AKR1A1: variants seen among roughly 807,000 people sequenced by gnomAD.
AKR1A1 encodes HEL-S-165mP.
A neutral mutation model predicts 39.2 loss-of-function variants in AKR1A1; 26 were observed. The ratio of observed to expected loss-of-function variants is 0.66; its 90% confidence interval spans 0.49 to 0.92. The LOEUF (loss-of-function observed/expected upper bound fraction) is 0.92. Among genes scored for constraint, AKR1A1 ranks in the 40% least tolerant of loss-of-function variants. AKR1A1 has a pLI of 0.00. For synonymous variants in AKR1A1, 141 were observed against 155.5 expected, an observed-to-expected ratio of 0.91 and a Z score of 0.69; for missense variants, 378 against 406.5, an observed-to-expected ratio of 0.93 and a Z score of 0.60.
chr1:45,562,725 G>A (rs1000521210), intron 2 of AKR1A1, among the ~76,000 whole-genome samples: 2 of 152,014 alleles, frequency 1.3e-5, no homozygotes, highest in African/African-American at 2.4e-5. Context: ...GGCAAGGCTG[G>A]TCTTGAACTC....
chr1:45,569,868 A>T (rs1406261049), intron 8 of AKR1A1, 23 bp from the exon 9 acceptor site: 1 of 1,609,764 alleles, frequency 6.2e-7, no homozygotes, highest in Non-Finnish European at 8.5e-7. Context: ...CTGATGGAGT[A>T]ATCTATCTGT....
rs1185243958 is a variant in AKR1A1, at chr1:45,569,174, T to A, written c.857T>A (p.Met286Lys). 6 of 1,614,074 alleles carry A rather than the reference T, an allele frequency of 3.7e-6. No individual in the cohort carries two copies. Among genetic ancestry groups the A allele is most frequent in the East Asian group, 2.2e-5 (1 of 44,892 alleles). ...GACTTCACCTTTAGCCCAGAAGAGA[T>A]GAAGCAGCTAAATGCCCTGAACAAA... The part of the protein sequence containing the change: ...VFDFTFSPEE[M>K]KQLNALNKNW... Residue 286 changes from methionine to lysine, a missense_variant, in exon 8 of 9, where the codon ATG becomes AAG. By Grantham distance (95) the Met-to-Lys change is moderately conservative (BLOSUM62 -1). Coordinates refer to ENST00000351829, the MANE Select transcript of AKR1A1 (RefSeq NM_153326.3).
chr1:45,558,109 T>A (rs505207), intron 1 of AKR1A1, among the ~76,000 whole-genome samples: 108,768 of 151,506 alleles, frequency 0.72, 39,944 homozygotes, highest in East Asian at 0.99. Flanking sequence ...GGGTTTCGCC[T>A]TGTTGGCCAG....
At chr1:45,559,668 G>T (rs1316952544) in intron 1 of AKR1A1, among the ~76,000 whole-genome samples, 2 of 106,328 alleles carry the variant, frequency 1.9e-5, no homozygotes, top group African/African-American at 7.4e-5. Flanking sequence ...TTTTGAGACG[G>T]AGTCTCCCTC....
chr1:45,563,556 G>A (rs1339064796), intron 2 of AKR1A1, among the ~76,000 whole-genome samples: 2 of 152,128 alleles, frequency 1.3e-5, no homozygotes, highest in African/African-American at 4.8e-5. Context: ...TTGGGAGGCT[G>A]AGGCAGGCGG....
In AKR1A1 at chr1:45,569,942, A is replaced by T. The variant is rs987412920; in HGVS notation, c.964A>T (p.Asn322Tyr). The part of the protein sequence containing the change: ...RDAGHPLYPF[N>Y]DPY ...TGCAGGGCATCCTCTGTACCCCTTT[A>T]ATGACCCGTACTGAGACCACAGCTT... Residue 322 changes from asparagine (N) to tyrosine (Y), a missense_variant, in exon 9 of 9, where the codon AAT becomes TAT. Asn to Tyr is a moderately radical substitution (Grantham distance 143, BLOSUM62 -2). Transcript: ENST00000351829. The T allele has an allele frequency of 1.9e-6, 3 of 1,614,156 alleles. No homozygotes were observed. Among genetic ancestry groups the T allele is most frequent in the Non-Finnish European group, 2.5e-6 (3 of 1,180,002 alleles).
At position 45,569,936 on chromosome 1, in the gene AKR1A1, C is replaced by G. The variant is rs199705974; in HGVS notation, c.958C>G (p.Pro320Ala). The G allele has an allele frequency of 1.5e-4, 246 of 1,614,006 alleles. 1 individual carries two copies. Among genetic ancestry groups the G allele is most frequent in the Non-Finnish European group, 2.0e-4 (235 of 1,180,004 alleles). Reference sequence around the variant, plus strand: ...AAGGGATGCAGGGCATCCTCTGTACCCCTTTAATGACCCGTACTGAGACCA... The same window carrying G: ...AAGGGATGCAGGGCATCCTCTGTACGCCTTTAATGACCCGTACTGAGACCA... Reference protein sequence around the residue: ...VPRDAGHPLYPFNDPY With the variant: ...VPRDAGHPLYAFNDPY Residue 320 changes from proline to alanine, a missense_variant, in exon 9 of 9, where the codon CCC becomes GCC. Physicochemically the swap from Pro to Ala is conservative, Grantham distance 27 (BLOSUM62 -1). Transcript: ENST00000351829.
intron 1 of AKR1A1, 73 bp from the exon 2 acceptor site, chr1:45,561,716 C>A: frequency 6.7e-7 from 1 of 1,487,568 alleles, no homozygotes; most frequent in Non-Finnish European, 9.4e-7. Context: ...TTGCAGTATT[C>A]TTGACAGTGG....
intron 2 of AKR1A1, among the ~76,000 whole-genome samples, chr1:45,562,533 C>T (rs1473335486): frequency 2.1e-5 from 3 of 146,016 alleles, no homozygotes; most frequent in African/African-American, 7.6e-5. Flanking sequence ...TTTTTGAAAC[C>T]GAGTCTCACT....
At chr1:45,561,952 C>T in intron 2 of AKR1A1, 74 bp downstream of exon 2, 3 of 1,445,982 alleles carry the variant, frequency 2.1e-6, no homozygotes, top group South Asian at 2.3e-5. Flanking sequence ...CACCCCCATA[C>T]TCCCCTTCCA....
chr1:45,567,633 C>T, intron 4 of AKR1A1: 1 of 166,808 alleles, frequency 6.0e-6, no homozygotes, highest in Non-Finnish European at 1.3e-5. Context: ...CGAGATCATC[C>T]TGGCTAACAC....
rs1462778256 is a variant in AKR1A1 at position 45,568,135 on chromosome 1, T to C, written c.510T>C (p.Asp170=). ...CCAACTTCAACAGTCGGCAGATTGA[T>C]GACATACTCAGTGTGGCCTCCGTGC... The part of the protein sequence containing the change: ...GLSNFNSRQI[D]DILSVASVRP... Residue 170 remains aspartate (D), a synonymous_variant, in exon 5 of 9, where the codon GAT becomes GAC. Transcript: ENST00000351829. 6.2e-7 allele frequency: 1 copy of C among 1,614,036 alleles called. No individual in the cohort carries two copies. The highest frequency in any genetic ancestry group is 2.2e-5 in the East Asian group (1 of 44,870).
chr1:45,556,099 ATTG>A (rs1397058806), intron 1 of AKR1A1, among the ~76,000 whole-genome samples: 1 of 152,126 alleles, frequency 6.6e-6, no homozygotes, highest in African/African-American at 2.4e-5. Flanking sequence ...TCATGTAGAT[ATTG>A]TTTCCTTTTT....
At position 45,569,166 on chromosome 1, in the gene AKR1A1, A is replaced by G. The variant is rs756736711; in HGVS notation, c.849A>G (p.Pro283=). The G allele has an allele frequency of 1.2e-6, 2 of 1,614,166 alleles. No homozygotes were observed. Among genetic ancestry groups the G allele is most frequent in the East Asian group, 2.2e-5 (1 of 44,880 alleles). ...AGGTGTTTGACTTCACCTTTAGCCC[A>G]GAAGAGATGAAGCAGCTAAATGCCC... ...NIKVFDFTFS[P]EEMKQLNALN... The change falls in exon 8 of 9, where the codon CCA becomes CCG. Residue 283 remains proline, a synonymous_variant. Coordinates refer to ENST00000351829, the MANE Select transcript of AKR1A1 (RefSeq NM_153326.3).
rs761048161 is a variant in AKR1A1, at chr1:45,568,142, C to G, written c.517C>G (p.Leu173Val). ...NFNSRQIDDI[L>V]SVASVRPAVL... ...CAACAGTCGGCAGATTGATGACATA[C>G]TCAGTGTGGCCTCCGTGCGTCCAGC... The change falls in exon 5 of 9, where the codon CTC becomes GTC. Residue 173 changes from leucine (L) to valine (V), a missense_variant. Transcript: ENST00000351829. The G allele has an allele frequency of 4.3e-6, 7 of 1,613,940 alleles. No homozygotes were observed. Among genetic ancestry groups the G allele is most frequent in the Non-Finnish European group, 5.9e-6 (7 of 1,179,962 alleles).
rs186794443 is a variant in AKR1A1, at chr1:45,569,731, T to C, written c.913-160T>C. 2.1e-3 allele frequency among the ~76,000 whole-genome samples: 319 copies of C among 152,294 alleles called. 4 individuals carry two copies. Among genetic ancestry groups the C allele is most frequent in the African/African-American group, 7.0e-3 (291 of 41,538 alleles). ...TATGGGTTTGGTGCTAGAATGGTGT[T>C]GATACTGTGGTGTTCTCTGAGGATG... On this transcript the variant is annotated intron_variant, in intron 8 of 8. Coordinates refer to ENST00000351829, the MANE Select transcript of AKR1A1 (RefSeq NM_153326.3).
chr1:45,561,626 A>T (rs557839890), intron 1 of AKR1A1, among the ~76,000 whole-genome samples, 163 bp from the exon 2 acceptor site: 1 of 151,612 alleles, frequency 6.6e-6, no homozygotes, highest in African/African-American at 2.4e-5. Flanking sequence ...CTGGTCTTGA[A>T]CTCTTGACCT....
chr1:45,556,704 C>A (rs1366724425), intron 1 of AKR1A1, among the ~76,000 whole-genome samples: 2 of 151,678 alleles, frequency 1.3e-5, no homozygotes, highest in Non-Finnish European at 2.9e-5. Flanking sequence ...CAGTGAAACC[C>A]CGTCTGTACT....
At chr1:45,568,800 C>T in intron 6 of AKR1A1, 116 bp downstream of exon 6, 1 of 1,521,150 alleles carries the variant, frequency 6.6e-7, no homozygotes, top group South Asian at 1.1e-5. Flanking sequence ...AGGGAGGCCA[C>T]TGTAGGCATA....
Sources: allele counts gnomAD v4.1 joint callset (sites outside exome capture counted in the v4.1 genomes callset), GRCh38; gene constraint gnomAD v4.1.1; transcripts MANE v1.5; gene names NCBI Gene and HGNC (gene_info 2026-07-23, HGNC 2026-07-21).